The following PPFIA2 variants were observed in gnomAD, a reference collection of about 807,000 sequenced individuals.
PPFIA2 encodes the protein liprin-alpha-2.
Under a neutral mutation model 175.5 loss-of-function variants are expected in PPFIA2, and 46 were observed. That is an observed-to-expected ratio of 0.26 (90% CI 0.21 to 0.34). PPFIA2 has a LOEUF of 0.34. Ranked by LOEUF, PPFIA2 falls within the 10% of genes least tolerant of loss-of-function variation. The probability of loss-of-function intolerance (pLI) is 1.00; values close to 1 mark genes in which losing one functional copy is unlikely to be tolerated. For synonymous variants in PPFIA2, 568 were observed against 511.4 expected (o/e 1.11, Z -1.49); for missense variants, 1,179 against 1,506.1 (o/e 0.78, Z 3.60).
rs377665070 is a variant in PPFIA2, at chr12:81,444,000, G to A, written c.570+1556C>T. Among the ~76,000 whole-genome samples, 34 of 150,412 alleles carry A rather than the reference G, an allele frequency of 2.3e-4. 1 individual carries two copies. The highest frequency in any genetic ancestry group is 7.5e-4 in the African/African-American group (31 of 41,066). ...CTCCCCAGTAGCTGGGACTACAGGC[G>A]CCCGCCACCACGCCCAGCTAATTTT... is the stretch of plus-strand genomic sequence containing the variant. On this transcript the variant is annotated intron_variant, in intron 6 of 32. Transcript: ENST00000549396.
At chr12:81,589,006 T>G (rs2075664458) in intron 4 of PPFIA2, among the ~76,000 whole-genome samples, 1 of 152,096 alleles carries the variant, frequency 6.6e-6, no homozygotes, top group African/African-American at 2.4e-5. Flanking sequence ...ATAAAAGCAT[T>G]TATGTGATTT....
At chr12:81,613,553 G>T (rs1466561640) in intron 4 of PPFIA2, among the ~76,000 whole-genome samples, 5 of 152,090 alleles carry the variant, frequency 3.3e-5, no homozygotes, top group Non-Finnish European at 4.4e-5. Flanking sequence ...GTCCATGTAG[G>T]TTCTATGATA....
intron 3 of PPFIA2, among the ~76,000 whole-genome samples, chr12:81,712,842 A>G (rs1389063650): frequency 6.6e-6 from 1 of 150,468 alleles, no homozygotes; most frequent in African/African-American, 2.4e-5. Flanking sequence ...CCACCTCGTC[A>G]GTTCTCAAGT....
chr12:81,554,357 A>G (rs2068471499), intron 4 of PPFIA2, among the ~76,000 whole-genome samples: 1 of 152,010 alleles, frequency 6.6e-6, no homozygotes, highest in Non-Finnish European at 1.5e-5. Context: ...CTTGGAACTC[A>G]AAGACTGGGA....
intron 19 of PPFIA2, among the ~76,000 whole-genome samples, chr12:81,342,260 A>C (rs754876700): frequency 3.9e-5 from 6 of 152,130 alleles, no homozygotes; most frequent in Non-Finnish European, 7.4e-5. Flanking sequence ...ACAATGCTGC[A>C]TATTTTTCAT....
At chr12:81,617,584 C>T (rs1404188922) in intron 4 of PPFIA2, among the ~76,000 whole-genome samples, 2 of 152,182 alleles carry the variant, frequency 1.3e-5, no homozygotes, top group Non-Finnish European at 2.9e-5. Context: ...CCAATAGTTT[C>T]CTGTCACATT....
At chr12:81,422,015 G>A in intron 7 of PPFIA2, among the ~76,000 whole-genome samples, 1 of 150,398 alleles carries the variant, frequency 6.6e-6, no homozygotes, top group Non-Finnish European at 1.5e-5. Flanking sequence ...TGTCTCTAGA[G>A]GCAAGAAGGT....
chr12:81,366,025 CCTTCCT>C (rs2033254393), intron 14 of PPFIA2, among the ~76,000 whole-genome samples: 3 of 113,442 alleles, frequency 2.6e-5, no homozygotes, highest in African/African-American at 6.6e-5. Context: ...TTCCTTCCTT[CCTTCCT>C]TCCCTCCCTC....
rs544682464 is a variant in PPFIA2, at chr12:81,727,759, C to T, written c.249+26214G>A. 7.9e-5 allele frequency among the ~76,000 whole-genome samples: 12 copies of T among 151,438 alleles called. No individual in the cohort carries two copies. The East Asian group carries it at 2.3e-3, about 30-fold the overall frequency. On this transcript the variant is annotated intron_variant, in intron 3 of 32. Transcript: ENST00000549396. ...TCATTTTTTCTTTTTATGAAACTTTCAGGTGATCCTGATGTAAGAGATTTA... is the reference window on the plus strand; with the variant it reads ...TCATTTTTTCTTTTTATGAAACTTTTAGGTGATCCTGATGTAAGAGATTTA...
In PPFIA2 at chr12:81,638,787, A is replaced by C. The variant is rs1490058945; in HGVS notation, c.303+38004T>G. ...ACTGCAAGCTCCGCCTCCCGGGTTC[A>C]CGCCATTCTCCTGCCTCAGCCTCCC... On this transcript the variant is annotated intron_variant, in intron 4 of 32. Transcript: ENST00000549396. 4.5e-5 allele frequency among the ~76,000 whole-genome samples: 6 copies of C among 134,204 alleles called. No individual in the cohort carries two copies. In the East Asian group the frequency reaches 1.3e-3, roughly 29 times the overall value. 88.0% of individuals were successfully genotyped at this position (134,204 alleles called of 152,430 possible). A position where few individuals can be genotyped will look rare whatever the true frequency, so the allele number is the denominator to read the frequency against.
At chr12:81,582,547 A>G (rs565706857) in intron 4 of PPFIA2, among the ~76,000 whole-genome samples, 4 of 151,898 alleles carry the variant, frequency 2.6e-5, no homozygotes, top group South Asian at 2.1e-4. Context: ...TTTAGCTTAT[A>G]AAAAACACTA....
intron 4 of PPFIA2, among the ~76,000 whole-genome samples, chr12:81,577,737 G>T (rs2073806122): frequency 6.6e-6 from 1 of 151,856 alleles, no homozygotes; most frequent in African/African-American, 2.4e-5. Flanking sequence ...TAGCAGTAAT[G>T]AAATATAGAT....
intron 4 of PPFIA2, among the ~76,000 whole-genome samples, chr12:81,602,587 CAACCAGAAAACATCTGGCTTTCAAA>C (rs1322366895): frequency 1.3e-5 from 2 of 151,794 alleles, no homozygotes; most frequent in Non-Finnish European, 2.9e-5. Context: ...TGAAAGCTAA[CAACCAGAAAACATCTGGCTTTCAAA>C]AAGGATTTCT....
At chr12:81,512,822 A>T (rs1332265587) in intron 4 of PPFIA2, among the ~76,000 whole-genome samples, 2 of 152,068 alleles carry the variant, frequency 1.3e-5, no homozygotes, top group East Asian at 3.8e-4. Context: ...GATTTACTTC[A>T]CTTAGAATAA....
chr12:81,744,346 C>T (rs1403282638), intron 3 of PPFIA2, among the ~76,000 whole-genome samples: 1 of 150,844 alleles, frequency 6.6e-6, no homozygotes, highest in Non-Finnish European at 1.5e-5. Flanking sequence ...ACAATCATTT[C>T]AAATTTCATT....
chr12:81,412,748 A>G (rs1018888644), intron 7 of PPFIA2, among the ~76,000 whole-genome samples: 7 of 151,938 alleles, frequency 4.6e-5, no homozygotes, highest in Admixed American at 4.0e-4. Context: ...GGCAAATAAT[A>G]TCTACTTTAT....
At chr12:81,287,546 G>C (rs531244716) in intron 24 of PPFIA2, among the ~76,000 whole-genome samples, 17 of 151,982 alleles carry the variant, frequency 1.1e-4, no homozygotes, top group Non-Finnish European at 1.8e-4. Flanking sequence ...GAAGACCACT[G>C]CCAGCCCTAT....
chr12:81,429,320 T>C (rs1274291766), intron 7 of PPFIA2, among the ~76,000 whole-genome samples: 1 of 152,200 alleles, frequency 6.6e-6, no homozygotes, highest in East Asian at 1.9e-4. Context: ...TTTAGGATTC[T>C]GAAATAATTT....
intron 4 of PPFIA2, among the ~76,000 whole-genome samples, chr12:81,625,748 C>T (rs1025600808): frequency 1.3e-5 from 2 of 150,806 alleles, no homozygotes; most frequent in South Asian, 2.1e-4. Flanking sequence ...ATTACCTCTG[C>T]TACCCTCCAA....
Sources: gnomAD v4.1 joint callset for allele counts (sites outside exome capture counted in the v4.1 genomes callset) on GRCh38, gnomAD v4.1.1 for gene constraint, MANE v1.5 for transcripts, NCBI Gene and HGNC (gene_info 2026-07-23, HGNC 2026-07-21) for gene names.